Variants in NIPBL observed in about 807,000 individuals in gnomAD.
NIPBL encodes NIPBL cohesin loading factor.
NIPBL carries 19 observed loss-of-function variants against 321.8 expected under a neutral mutation model. That is an observed-to-expected ratio of 0.06 (90% confidence interval 0.04 to 0.09). NIPBL has a LOEUF of 0.09. NIPBL is among the 10% of genes least tolerant of loss of function. The pLI, the probability that NIPBL is intolerant of heterozygous loss-of-function variation, is 1.00. For missense variants in NIPBL, 2,210 were observed against 3,327.0 expected (o/e 0.66, Z 8.26); for synonymous variants, 1,106 against 1,114.1 (o/e 0.99, Z 0.14).
At chr5:36,892,422 G>A (rs1746403666) in intron 1 of NIPBL, among the ~76,000 whole-genome samples, 1 of 152,140 alleles carries the variant, frequency 6.6e-6, no homozygotes, top group Admixed American at 6.5e-5. Flanking sequence ...ATTTGACCCA[G>A]CCATCCCATT....
At position 37,007,937 on chromosome 5, in the gene NIPBL, G is replaced by T. The variant is rs971966148; in HGVS notation, c.4240-71G>T. 8 of 939,980 alleles carry T rather than the reference G, an allele frequency of 8.5e-6. No individual in the cohort carries two copies. The African/African-American group carries it at 1.3e-4, about 15-fold the overall frequency. 58.2% of individuals were successfully genotyped at this position (939,980 alleles called of 1,614,324 possible). A position where few individuals can be genotyped will look rare whatever the true frequency, so the allele number is the denominator to read the frequency against. ...TTCCAGTAAGCTTATGAATGTATTGGAATTTAGTAAGATAGAATGTTACTG... is the reference window on the plus strand; with the variant it reads ...TTCCAGTAAGCTTATGAATGTATTGTAATTTAGTAAGATAGAATGTTACTG... On this transcript the variant is annotated intron_variant, in intron 18 of 46. Coordinates refer to ENST00000282516, the MANE Select transcript of NIPBL (RefSeq NM_133433.4).
At chr5:36,914,365 A>G (rs1003765724) in intron 1 of NIPBL, among the ~76,000 whole-genome samples, 7 of 152,148 alleles carry the variant, frequency 4.6e-5, no homozygotes, top group African/African-American at 1.7e-4. Flanking sequence ...AAATTGTACT[A>G]AAAAAGTGTT....
chr5:37,054,369 TAA>T (rs1753882293), intron 42 of NIPBL, among the ~76,000 whole-genome samples: 1 of 152,184 alleles, frequency 6.6e-6, no homozygotes, highest in African/African-American at 2.4e-5. Flanking sequence ...TTATCAGTAT[TAA>T]GTTTGCATTG....
At chr5:37,027,280 A>C (rs1291487674) in intron 31 of NIPBL, 79 bp from the exon 32 acceptor site, 2 of 1,092,742 alleles carry the variant, frequency 1.8e-6, no homozygotes, top group African/African-American at 3.1e-5. Context: ...AACATGTTTC[A>C]GGCTAAAGCA....
chr5:37,045,639 A>G (rs1324368366), intron 37 of NIPBL, 42 bp downstream of exon 37: 19 of 1,581,780 alleles, frequency 1.2e-5, no homozygotes, highest in Non-Finnish European at 1.4e-5. Context: ...ACATAGAGCT[A>G]TATGGCACTG....
chr5:37,020,746 A>C lies in NIPBL; in HGVS notation c.5226-29A>C. ...TTTCCCTAAGTTACAAAAAAAGAAA[A>C]ATAAATTTTTAATGACTTTTTGTTG... On this transcript the variant is annotated intron_variant, in intron 26 of 46. Coordinates refer to ENST00000282516, the MANE Select transcript of NIPBL (RefSeq NM_133433.4). 1.9e-6 allele frequency: 3 copies of C among 1,608,792 alleles called. No homozygotes were observed. In the Admixed American group the frequency reaches 5.0e-5, roughly 27 times the overall value.
intron 1 of NIPBL, among the ~76,000 whole-genome samples, chr5:36,923,974 C>T (rs983839931): frequency 6.6e-6 from 1 of 152,176 alleles, no homozygotes; most frequent in Non-Finnish European, 1.5e-5. Flanking sequence ...CTGTATTCTA[C>T]TAATTGTCCT....
At chr5:36,995,457 A>G in intron 10 of NIPBL, 165 bp from the exon 11 acceptor site, 4 of 590,374 alleles carry the variant, frequency 6.8e-6, no homozygotes, top group Non-Finnish European at 1.2e-5. Context: ...ATATATATTA[A>G]CTATATTGTC....
intron 34 of NIPBL, 43 bp from the exon 35 acceptor site, chr5:37,044,304 T>G (rs1381426707): frequency 6.3e-7 from 1 of 1,579,392 alleles, no homozygotes; most frequent in African/African-American, 1.3e-5. Context: ...TAGTTTCTTT[T>G]CAGGTTTTGG....
rs747296657 is a variant in NIPBL, at chr5:36,985,028, T to G, written c.1848T>G (p.Ser616Arg). ...PELSKSEMKQ[S>R]ESRLAESKPN... ...TTTCAAAGAGTGAAATGAAACAAAG[T>G]GAAAGTAGATTAGCAGAATCTAAAC... The change falls in exon 10 of 47, where the codon AGT (serine) becomes AGG (arginine). Residue 616 changes from serine (S) to arginine (R), a missense_variant. Physicochemically the swap from Ser to Arg is moderately radical, Grantham distance 110 (BLOSUM62 -1). This residue lies in a region of NIPBL where 588 missense variants were observed against 564.1 expected (regional missense o/e 1.04). Coordinates refer to ENST00000282516, the MANE Select transcript of NIPBL (RefSeq NM_133433.4). The G allele has an allele frequency of 3.7e-6, 6 of 1,613,394 alleles. No homozygotes were observed. The highest frequency in any genetic ancestry group is 5.1e-6 in the Non-Finnish European group (6 of 1,179,868).
At chr5:36,898,451 C>T (rs1028909302) in intron 1 of NIPBL, among the ~76,000 whole-genome samples, 11 of 151,706 alleles carry the variant, frequency 7.3e-5, no homozygotes, top group Non-Finnish European at 1.3e-4. Context: ...AATAATTTGC[C>T]CAAGCTTACA....
intron 34 of NIPBL, among the ~76,000 whole-genome samples, chr5:37,043,670 C>T (rs1214208472): frequency 6.6e-6 from 1 of 152,210 alleles, no homozygotes; most frequent in Non-Finnish European, 1.5e-5. Context: ...TGCACTCCAA[C>T]CTGGGCAATT....
At chr5:36,886,676 T>C (rs776302788) in intron 1 of NIPBL, among the ~76,000 whole-genome samples, 2 of 151,958 alleles carry the variant, frequency 1.3e-5, no homozygotes, top group Non-Finnish European at 2.9e-5. Context: ...GTGTGCAGTT[T>C]GATGAGTTTT....
intron 9 of NIPBL, among the ~76,000 whole-genome samples, chr5:36,978,456 T>G (rs1166243590): frequency 6.6e-6 from 1 of 151,890 alleles, no homozygotes; most frequent in Non-Finnish European, 1.5e-5. Context: ...TTTTTCTTGT[T>G]GATTTGAGTT....
At chr5:36,900,070 G>A (rs1747084748) in intron 1 of NIPBL, among the ~76,000 whole-genome samples, 1 of 152,122 alleles carries the variant, frequency 6.6e-6, no homozygotes, top group Non-Finnish European at 1.5e-5. Flanking sequence ...TTTGTCATGA[G>A]CTCACTGTTT....
intron 9 of NIPBL, among the ~76,000 whole-genome samples, chr5:36,979,458 G>A (rs183142305): frequency 6.6e-6 from 1 of 151,900 alleles, no homozygotes; most frequent in East Asian, 1.9e-4. Context: ...AAGCTTTATT[G>A]AAGTTATCAG....
At chr5:37,024,494 T>C in intron 29 of NIPBL, 91 bp from the exon 30 acceptor site, 7 of 1,051,772 alleles carry the variant, frequency 6.7e-6, no homozygotes, top group Non-Finnish European at 9.9e-6. Context: ...TAACAAATAG[T>C]GAATATACTG....
At chr5:37,062,968 T>C (rs1483382887) in intron 45 of NIPBL, among the ~76,000 whole-genome samples, 1 of 152,056 alleles carries the variant, frequency 6.6e-6, no homozygotes, top group Non-Finnish European at 1.5e-5. Context: ...TTTTATGATA[T>C]TTCTATTTTA....
chr5:37,036,153 A>G (rs962464913), intron 32 of NIPBL, among the ~76,000 whole-genome samples: 2 of 151,852 alleles, frequency 1.3e-5, no homozygotes, highest in East Asian at 3.9e-4. Context: ...GTTTGAAAGT[A>G]TTGGTAAATT....
Sources: gnomAD v4.1 joint callset for allele counts (sites outside exome capture counted in the v4.1 genomes callset) on GRCh38, gnomAD v4.1.1 for gene constraint, gnomAD v4.1.1 regional missense constraint, MANE v1.5 for transcripts, NCBI Gene and HGNC (gene_info 2026-07-23, HGNC 2026-07-21) for gene names.